The following DIAPH2 variants were observed in gnomAD, a reference collection of about 807,000 sequenced individuals.
DIAPH2 encodes the protein protein diaphanous homolog 2.
A neutral mutation model predicts 92.7 loss-of-function variants in DIAPH2; 35 were observed. The observed-to-expected ratio is 0.38, with a 90% CI of 0.29 to 0.50. The LOEUF (loss-of-function observed/expected upper bound fraction) is 0.50, where lower values mean the gene tolerates loss of function less well. DIAPH2 is among the 20% of genes least tolerant of loss of function. DIAPH2 has a pLI of 0.94. For missense variants in DIAPH2, 701 were observed against 819.5 expected, an observed-to-expected ratio of 0.86 and a Z score of 1.77; for synonymous variants, 301 against 280.4, an observed-to-expected ratio of 1.07 and a Z score of -0.73.
chrX:96,947,758 A>G lies in DIAPH2; in HGVS notation c.1510-1177A>G, dbSNP rs75915670. On this transcript the variant is annotated intron_variant, in intron 14 of 26. Coordinates refer to ENST00000324765, the MANE Select transcript of DIAPH2 (RefSeq NM_006729.5). ...TAAGATGGTTTTGGGCAGTAGATGTATCACTTTTAGAAACAGAAATAACAT... is the reference window on the plus strand; with the variant it reads ...TAAGATGGTTTTGGGCAGTAGATGTGTCACTTTTAGAAACAGAAATAACAT... Among the ~76,000 whole-genome samples the G allele has an allele frequency of 8.9e-5, 10 of 112,289 alleles. 1 individual carries two copies. In the East Asian group the frequency reaches 2.8e-3, roughly 31 times the overall value.
chrX:97,229,719 A>G (rs769447119), intron 22 of DIAPH2, among the ~76,000 whole-genome samples: 2 of 108,470 alleles, frequency 1.8e-5, no homozygotes, highest in Non-Finnish European at 3.8e-5. Flanking sequence ...CCATTCCTCA[A>G]ATAAAAGATT....
chrX:96,966,827 A>G (rs2065896382), intron 17 of DIAPH2, among the ~76,000 whole-genome samples: 1 of 112,190 alleles, frequency 8.9e-6, no homozygotes, highest in African/African-American at 3.2e-5. Context: ...TTTTAAAGAT[A>G]GTATGAAATT....
chrX:97,448,460 A>T (rs7051248), intron 26 of DIAPH2, among the ~76,000 whole-genome samples: 145 of 111,989 alleles, frequency 1.3e-3, no homozygotes, highest in African/African-American at 4.4e-3. Flanking sequence ...TGAGTAATTT[A>T]TATTACCGAC....
chrX:97,184,184 C>T (rs2067562508), intron 22 of DIAPH2, among the ~76,000 whole-genome samples: 2 of 112,098 alleles, frequency 1.8e-5, no homozygotes, highest in Admixed American at 1.9e-4. Context: ...TCCCCTTCTG[C>T]TCTTCTTGCC....
intron 25 of DIAPH2, among the ~76,000 whole-genome samples, chrX:97,423,212 A>T (rs2070027723): frequency 9.0e-6 from 1 of 111,413 alleles, no homozygotes; most frequent in Admixed American, 9.6e-5. Flanking sequence ...AAAGCAAATG[A>T]ACCTGTCGTC....
intron 5 of DIAPH2, among the ~76,000 whole-genome samples, chrX:96,900,275 C>A (rs2065384108): frequency 9.0e-6 from 1 of 111,080 alleles, no homozygotes; most frequent in African/African-American, 3.3e-5. Flanking sequence ...TCGAGTTCTT[C>A]ATTTGACTGT....
chrX:96,884,556 G>C, intron 5 of DIAPH2: 2 of 1,210,699 alleles, frequency 1.7e-6, no homozygotes, highest in Non-Finnish European at 2.2e-6. Flanking sequence ...TAATCAGAGG[G>C]GCAGAGAAGG....
chrX:97,473,698 C>T (rs968784253), intron 26 of DIAPH2, among the ~76,000 whole-genome samples: 2 of 112,242 alleles, frequency 1.8e-5, no homozygotes, highest in African/African-American at 3.2e-5. Flanking sequence ...TAGTGGCTCA[C>T]GCCTGTAATC....
chrX:97,404,146 C>T (rs2069785887), intron 25 of DIAPH2, among the ~76,000 whole-genome samples: 1 of 111,819 alleles, frequency 8.9e-6, no homozygotes. Context: ...AGCCACCACG[C>T]CTGGCCTCAG....
Position 97,240,397 on chromosome X carries a change from G to A in DIAPH2, c.2720-7318G>A, listed in dbSNP as rs959454183. ...CGAGGAGGGTGGATCACGAGGTCAGGAGATCGAGACCATCCTGGCTAACAC... is the reference window on the plus strand; with the variant it reads ...CGAGGAGGGTGGATCACGAGGTCAGAAGATCGAGACCATCCTGGCTAACAC... On this transcript the variant is annotated intron_variant, in intron 22 of 26. Coordinates refer to ENST00000324765, the MANE Select transcript of DIAPH2 (RefSeq NM_006729.5). 7.2e-4 allele frequency among the ~76,000 whole-genome samples: 80 copies of A among 111,145 alleles called. 1 individual carries two copies. The highest frequency in any genetic ancestry group is 1.1e-3 in the Non-Finnish European group (58 of 53,063).
chrX:97,225,316 A>G (rs369788613), intron 22 of DIAPH2, among the ~76,000 whole-genome samples: 1 of 111,615 alleles, frequency 9.0e-6, no homozygotes, highest in East Asian at 2.8e-4. Flanking sequence ...CTAGAAATCA[A>G]TCTAGAAACT....
In DIAPH2 at chrX:97,587,888, T is replaced by G. The variant is rs775599568; in HGVS notation, c.3242-11365T>G. On this transcript the variant is annotated intron_variant, in intron 26 of 26. Transcript: ENST00000324765. ...GTTAGGTGGGTCTTTAATATTATTT[T>G]TATGTTCACAAGGGGAAATTAAAAT... 3.6e-5 allele frequency among the ~76,000 whole-genome samples: 4 copies of G among 112,293 alleles called. 1 individual carries two copies. In the South Asian group the frequency reaches 1.5e-3, roughly 42 times the overall value.
intron 22 of DIAPH2, among the ~76,000 whole-genome samples, chrX:97,191,342 A>G (rs2067652228): frequency 9.0e-6 from 1 of 111,161 alleles, no homozygotes; most frequent in African/African-American, 3.3e-5. Flanking sequence ...AAAAAAGAAA[A>G]AAAAAAGAAA....
At chrX:97,326,158 T>G (rs767623473) in intron 23 of DIAPH2, among the ~76,000 whole-genome samples, 9 of 112,310 alleles carry the variant, frequency 8.0e-5, no homozygotes, top group African/African-American at 2.9e-4. Flanking sequence ...AGCAACTATA[T>G]CTGTAGAAAA....
chrX:97,196,150 C>T (rs1399442229), intron 22 of DIAPH2, among the ~76,000 whole-genome samples: 1 of 111,039 alleles, frequency 9.0e-6, no homozygotes, highest in African/African-American at 3.3e-5. Context: ...TAGCAAAGCT[C>T]GGTAGCTTAT....
intron 22 of DIAPH2, among the ~76,000 whole-genome samples, chrX:97,176,917 A>C (rs1465622778): frequency 8.9e-6 from 1 of 112,042 alleles, no homozygotes; most frequent in Non-Finnish European, 1.9e-5. Context: ...CATATAACCT[A>C]TGCACATCCT....
intron 24 of DIAPH2, among the ~76,000 whole-genome samples, chrX:97,383,034 G>A (rs1025674636): frequency 9.8e-5 from 11 of 111,774 alleles, no homozygotes; most frequent in African/African-American, 3.6e-4. Flanking sequence ...CTCTGCATTC[G>A]TGATTTACCT....
At chrX:97,082,993 G>A (rs1214301933) in intron 19 of DIAPH2, among the ~76,000 whole-genome samples, 1 of 112,050 alleles carries the variant, frequency 8.9e-6, no homozygotes, top group Non-Finnish European at 1.9e-5. Context: ...ATACACTTTT[G>A]TAATTGATCA....
At chrX:97,350,090 A>C (rs2069197687) in intron 24 of DIAPH2, among the ~76,000 whole-genome samples, 1 of 110,091 alleles carries the variant, frequency 9.1e-6, no homozygotes, top group African/African-American at 3.3e-5. Flanking sequence ...CGGGTGGATC[A>C]CCTGAGGTCA....
Sources: allele counts gnomAD v4.1 joint callset (sites outside exome capture counted in the v4.1 genomes callset), GRCh38; gene constraint gnomAD v4.1.1; transcripts MANE v1.5; gene names NCBI Gene and HGNC (gene_info 2026-07-23, HGNC 2026-07-21).